The following ATG14 variants were observed in gnomAD, a reference collection of about 807,000 sequenced individuals.
The protein encoded by ATG14 is autophagy related 14, also known as beclin 1-associated autophagy-related key regulator.
ATG14 carries 35 observed loss-of-function variants against 60.4 expected under a neutral mutation model. The observed-to-expected ratio is 0.58, with a 90% CI of 0.44 to 0.77. ATG14 has a LOEUF of 0.77. Ranked by LOEUF, ATG14 falls within the 30% of genes least tolerant of loss-of-function variation. The pLI is 0.00. For synonymous variants in ATG14, 234 were observed against 228.8 expected (o/e 1.02, Z -0.21); for missense variants, 647 against 626.3 (o/e 1.03, Z -0.35).
chr14:55,385,707 C>G (rs371768092), intron 5 of ATG14, 152 bp downstream of exon 5: 6 of 739,402 alleles, frequency 8.1e-6, no homozygotes, highest in Admixed American at 5.8e-5. Context: ...TTCTGCGGTG[C>G]GTACTGTTTG....
intron 1 of ATG14, among the ~76,000 whole-genome samples, chr14:55,408,485 A>G (rs1164360797): frequency 2.0e-5 from 3 of 151,298 alleles, no homozygotes; most frequent in African/African-American, 7.3e-5. Flanking sequence ...TCAAACTCAC[A>G]TAGCAGCCAG....
rs749750975 is a variant in ATG14, at chr14:55,369,784, C to T, written c.1314G>A (p.Leu438=). The change falls in exon 10 of 10, where the codon TTG becomes TTA. Residue 438 remains leucine, a synonymous_variant. Transcript: ENST00000247178. ...ETDLGTDWEN[L]PSPRFCDIPS... is the part of the protein sequence containing the mutation. ...GGATATCACAAAACCGGGGACTAGG[C>T]AAGTTCTCCCAGTCTGTGCCCAGGT... 5 of 1,614,082 alleles carry T rather than the reference C, an allele frequency of 3.1e-6. No homozygotes were observed. Among genetic ancestry groups the T allele is most frequent in the Middle Eastern group, 1.6e-4 (1 of 6,084 alleles).
At chr14:55,375,815 T>C (rs913157911) in intron 9 of ATG14, among the ~76,000 whole-genome samples, 4 of 152,230 alleles carry the variant, frequency 2.6e-5, no homozygotes, top group Non-Finnish European at 4.4e-5. Flanking sequence ...ACAGCACTGA[T>C]AGTAGGCATC....
At chr14:55,390,737 T>A (rs957200355) in intron 4 of ATG14, among the ~76,000 whole-genome samples, 174 bp downstream of exon 4, 2 of 152,222 alleles carry the variant, frequency 1.3e-5, no homozygotes, top group African/African-American at 2.4e-5. Flanking sequence ...ATTTAACTTT[T>A]AAAAATTCCT....
Position 55,390,981 on chromosome 14 carries a change from T to G in ATG14, c.339A>C (p.Ile113=). 1 of 1,605,706 alleles carries G rather than the reference T, an allele frequency of 6.2e-7. No homozygotes were observed. Among genetic ancestry groups the G allele is most frequent in the Non-Finnish European group, 8.5e-7 (1 of 1,175,252 alleles). ...GTTCAATCCTCATCTTGCAGGACATTATTTTCCATCTCTGAAAAAAGCATG... is the reference window on the plus strand; with the variant it reads ...GTTCAATCCTCATCTTGCAGGACATGATTTTCCATCTCTGAAAAAAGCATG... ...KWITDQLRWK[I]MSCKMRIEQL... is the part of the protein sequence containing the mutation. The change falls in exon 4 of 10, where the codon ATA becomes ATC. Residue 113 remains isoleucine (I), a synonymous_variant. Coordinates refer to ENST00000247178, the MANE Select transcript of ATG14 (RefSeq NM_014924.5).
chr14:55,385,716 T>G lies in ATG14; in HGVS notation c.647+143A>C, dbSNP rs988366916. ...CCAGCTTTCTGCGGTGCGTACTGTT[T>G]GTTGAAACAGATAAGACTTATGTTC... On this transcript the variant is annotated intron_variant, in intron 5 of 9. Coordinates refer to ENST00000247178, the MANE Select transcript of ATG14 (RefSeq NM_014924.5). The G allele has an allele frequency of 3.7e-6, 3 of 801,542 alleles. No homozygotes were observed. In the Admixed American group the frequency reaches 8.5e-5, roughly 23 times the overall value. The allele number at this position is 801,542 out of a possible 1,614,324, so 49.7% of individuals were successfully genotyped here. A position where few individuals can be genotyped will look rare whatever the true frequency, so the allele number is the denominator to read the frequency against.
chr14:55,411,495 T>C (rs1353315752), intron 1 of ATG14, 107 bp downstream of exon 1: 15 of 1,113,164 alleles, frequency 1.3e-5, no homozygotes, highest in Admixed American at 2.4e-5. Flanking sequence ...CTCGCTCCTC[T>C]CGCTGGTATC....
intron 3 of ATG14, among the ~76,000 whole-genome samples, chr14:55,391,662 C>T (rs1885220444): frequency 6.6e-6 from 1 of 152,144 alleles, no homozygotes; most frequent in South Asian, 2.1e-4. Context: ...CAGTTCCTTA[C>T]TCACACCACC....
rs748965574 is a variant in ATG14 at position 55,385,867 on chromosome 14, C to T, written c.639G>A (p.Thr213=). Residue 213 remains threonine, a synonymous_variant, in exon 5 of 10, where the codon ACG becomes ACA. Coordinates refer to ENST00000247178, the MANE Select transcript of ATG14 (RefSeq NM_014924.5). ...SVIFPIEEVK[T]GVRDPADVSS... ...AGACTTGCTTAATGTACCTCACACC[C>T]GTCTTTACTTCCTCGATTGGAAAAA... 137 of 1,610,146 alleles carry T rather than the reference C, an allele frequency of 8.5e-5. No individual in the cohort carries two copies. The highest frequency in any genetic ancestry group is 8.3e-5 in the Non-Finnish European group (98 of 1,177,720).
chr14:55,397,282 A>G, intron 2 of ATG14, 90 bp downstream of exon 2: 1 of 1,096,320 alleles, frequency 9.1e-7, no homozygotes, highest in Non-Finnish European at 1.4e-6. Flanking sequence ...GTAAGTTAGC[A>G]ATCCGTATAT....
chr14:55,380,219 G>C (rs934936793), intron 7 of ATG14, among the ~76,000 whole-genome samples: 1 of 151,994 alleles, frequency 6.6e-6, no homozygotes, highest in Non-Finnish European at 1.5e-5. Context: ...CTGCACTCTG[G>C]CCTGGGCGAC....
At position 55,385,938 on chromosome 14, in the gene ATG14, G is replaced by A. The variant is rs1293963443; in HGVS notation, c.568C>T (p.Leu190=). ...ATATGGGATCGTCGAAGATTTGCCA[G>A]ACGCTCATAATGACTTCTTAAGTCA... is the stretch of plus-strand genomic sequence containing the variant. ...TIDLRSHYER[L]ANLRRSHILE... The change falls in exon 5 of 10, where the codon CTG becomes TTG. Residue 190 remains leucine, a synonymous_variant. Coordinates refer to ENST00000247178, the MANE Select transcript of ATG14 (RefSeq NM_014924.5). 3 of 1,614,190 alleles carry A rather than the reference G, an allele frequency of 1.9e-6. No individual in the cohort carries two copies. The highest frequency in any genetic ancestry group is 3.3e-5 in the Admixed American group (2 of 60,024).
chr14:55,400,651 G>A (rs1815581), intron 1 of ATG14, among the ~76,000 whole-genome samples: 2 of 151,898 alleles, frequency 1.3e-5, no homozygotes, highest in South Asian at 4.1e-4. Flanking sequence ...ACCTGTAATC[G>A]CAGCACTTTG....
rs181586009 is a variant in ATG14 at position 55,377,565 on chromosome 14, G to C, written c.1172+254C>G. On this transcript the variant is annotated intron_variant, in intron 9 of 9. Coordinates refer to ENST00000247178, the MANE Select transcript of ATG14 (RefSeq NM_014924.5). ...AAAGCACAAAAAGGCACTACTCCAG[G>C]AACATGTGGGTTCTTCAACTGCGCT... 9.9e-5 allele frequency among the ~76,000 whole-genome samples: 15 copies of C among 152,202 alleles called. No individual in the cohort carries two copies. The East Asian group carries it at 2.9e-3, about 29-fold the overall frequency.
chr14:55,377,973 A>AT lies in ATG14; in HGVS notation c.1086+10dup, dbSNP rs747317746. Reference sequence around the variant, plus strand: ...CAAAGTAAAAATTAGTTCACAACCTATTTTTCATACCTGAGAAAAACAAAG... The same window carrying AT: ...CAAAGTAAAAATTAGTTCACAACCTATTTTTTCATACCTGAGAAAAACAAAG... On this transcript the variant is annotated intron_variant, in intron 8 of 9. Coordinates refer to ENST00000247178, the MANE Select transcript of ATG14 (RefSeq NM_014924.5). 6.3e-5 allele frequency: 101 copies of AT among 1,602,434 alleles called. No homozygotes were observed. Among genetic ancestry groups the AT allele is most frequent in the Non-Finnish European group, 8.6e-5 (101 of 1,172,706 alleles).
In ATG14 at chr14:55,377,830, T is replaced by C; in HGVS notation, c.1161A>G (p.Glu387=). 1 of 1,584,402 alleles carries C rather than the reference T, an allele frequency of 6.3e-7. No homozygotes were observed. Among genetic ancestry groups the C allele is most frequent in the Non-Finnish European group, 8.5e-7 (1 of 1,169,700 alleles). Residue 387 remains glutamate, a synonymous_variant, in exon 9 of 10, where the codon GAA becomes GAG. Transcript: ENST00000247178. ...NLMYLVSPSS[E]HLGRSGPFEV... is the part of the protein sequence containing the mutation. ...AAATATCTTCTTACCTGCCTAGGTG[T>C]TCAGAGCTTGGACTGACCAGGTACA...
At position 55,366,971 on chromosome 14, in the gene ATG14, G is replaced by A. The variant is rs1041171881; in HGVS notation, c.*2648C>T. 6 of 152,656 alleles carry A rather than the reference G, an allele frequency of 3.9e-5. No individual in the cohort carries two copies. The highest frequency in any genetic ancestry group is 7.3e-5 in the Non-Finnish European group (5 of 68,042). 9.5% of individuals were successfully genotyped at this position (152,656 alleles called of 1,614,324 possible). ...CAAAATATTTCAGCAGTGTAAGCCA[G>A]TATGTTGGTGTTCAAAACCACAAAA... On this transcript the variant is annotated 3_prime_UTR_variant, in exon 10 of 10. Transcript: ENST00000247178.
intron 5 of ATG14, among the ~76,000 whole-genome samples, chr14:55,384,928 G>A (rs990890918): frequency 6.6e-6 from 1 of 152,206 alleles, no homozygotes; most frequent in African/African-American, 2.4e-5. Context: ...TTGGAGGGGT[G>A]CCCTCTGGAA....
intron 9 of ATG14, among the ~76,000 whole-genome samples, chr14:55,375,688 G>T (rs1251947318): frequency 1.3e-5 from 2 of 151,826 alleles, no homozygotes; most frequent in East Asian, 3.9e-4. Context: ...TGGATATCCA[G>T]TTCAATAATT....
Sources: allele counts gnomAD v4.1 joint callset (sites outside exome capture counted in the v4.1 genomes callset), GRCh38; gene constraint gnomAD v4.1.1; transcripts MANE v1.5; gene names NCBI Gene and HGNC (gene_info 2026-07-23, HGNC 2026-07-21).